Variants in MYO1D observed in about 807,000 individuals in gnomAD.
MYO1D encodes myosin ID, also known as unconventional myosin-Id.
In MYO1D, 83 loss-of-function variants were observed where a neutral mutation model predicts 122.0. That is an observed-to-expected ratio of 0.68 (90% CI 0.57 to 0.82). The LOEUF (loss-of-function observed/expected upper bound fraction) is 0.82. Among genes scored for constraint, MYO1D ranks in the 40% least tolerant of loss-of-function variants. MYO1D has a pLI of 0.00. For missense variants in MYO1D, 1,157 were observed against 1,269.5 expected, an observed-to-expected ratio of 0.91 and a Z score of 1.35; for synonymous variants, 464 against 446.9, an observed-to-expected ratio of 1.04 and a Z score of -0.48.
rs368525238 is a variant in MYO1D at position 32,690,057 on chromosome 17, C to G, written c.2121+21931G>C. 4.6e-5 allele frequency among the ~76,000 whole-genome samples: 7 copies of G among 152,120 alleles called. No individual in the cohort carries two copies. The East Asian group carries it at 1.4e-3, about 29-fold the overall frequency. On this transcript the variant is annotated intron_variant, in intron 16 of 21. Coordinates refer to ENST00000318217, the MANE Select transcript of MYO1D (RefSeq NM_015194.3). ...TTTCTATTGTATAGATACATCATAACTTATATAACTGTTTTCCTGATATAT... is the reference window on the plus strand; with the variant it reads ...TTTCTATTGTATAGATACATCATAAGTTATATAACTGTTTTCCTGATATAT...
At chr17:32,596,194 G>A (rs2087490512) in intron 21 of MYO1D, among the ~76,000 whole-genome samples, 1 of 152,128 alleles carries the variant, frequency 6.6e-6, no homozygotes, top group Non-Finnish European at 1.5e-5. Context: ...GCTGGCAATC[G>A]ACATGGCATA....
chr17:32,658,956 C>G (rs1339855987), intron 17 of MYO1D, 159 bp downstream of exon 17: 1 of 714,760 alleles, frequency 1.4e-6, no homozygotes, highest in African/African-American at 1.8e-5. Context: ...TAAGCAGATG[C>G]TCTTTGAAAG....
In MYO1D at chr17:32,653,900, A is replaced by G. The variant is rs144694933; in HGVS notation, c.2538T>C (p.Asn846=). 8.7e-5 allele frequency: 140 copies of G among 1,614,078 alleles called. No individual in the cohort carries two copies. The African/African-American group carries it at 1.7e-3, about 20-fold the overall frequency. ...QTSGTFVPVA[N]ELKRKDKYMN... is the part of the protein sequence containing the mutation. ...TGTATTTGTCCTTCCGTTTCAATTC[A>G]TTAGCAACAGGGACAAAAGTGCCTG... The change falls in exon 19 of 22, where the codon AAT becomes AAC. Residue 846 remains asparagine, a synonymous_variant. Coordinates refer to ENST00000318217, the MANE Select transcript of MYO1D (RefSeq NM_015194.3).
At chr17:32,543,662 C>T (rs1327131652) in intron 21 of MYO1D, among the ~76,000 whole-genome samples, 1 of 152,174 alleles carries the variant, frequency 6.6e-6, no homozygotes, top group Non-Finnish European at 1.5e-5. Context: ...TGTACTACTC[C>T]AGGGTGCCCT....
intron 14 of MYO1D, 61 bp from the exon 15 acceptor site, chr17:32,721,250 C>A: frequency 6.7e-7 from 1 of 1,486,956 alleles, no homozygotes; most frequent in Non-Finnish European, 9.3e-7. Flanking sequence ...GCTAGGGACA[C>A]TAACATGTAA....
intron 14 of MYO1D, among the ~76,000 whole-genome samples, chr17:32,728,837 T>G (rs961303623): frequency 3.3e-5 from 5 of 152,310 alleles, no homozygotes; most frequent in African/African-American, 1.2e-4. Context: ...TTGAATGGAC[T>G]ATTACCAGTA....
chr17:32,640,310 GC>G (rs2088177528), intron 19 of MYO1D, among the ~76,000 whole-genome samples: 1 of 152,082 alleles, frequency 6.6e-6, no homozygotes, highest in Non-Finnish European at 1.5e-5. Flanking sequence ...TTCTATAGCA[GC>G]ATTTTTCTTT....
chr17:32,691,460 G>A (rs1312843853), intron 16 of MYO1D, among the ~76,000 whole-genome samples: 1 of 143,188 alleles, frequency 7.0e-6, no homozygotes, highest in Non-Finnish European at 1.5e-5. Flanking sequence ...AGGCTGGAGT[G>A]CAGTGGTACA....
chr17:32,578,869 G>A (rs2087302235), intron 21 of MYO1D, among the ~76,000 whole-genome samples: 1 of 152,046 alleles, frequency 6.6e-6, no homozygotes, highest in Admixed American at 6.6e-5. Context: ...CACTCTACAT[G>A]TTTCCTTGAT....
chr17:32,717,890 C>T (rs1186359859), intron 15 of MYO1D, among the ~76,000 whole-genome samples: 1 of 152,030 alleles, frequency 6.6e-6, no homozygotes, highest in Non-Finnish European at 1.5e-5. Context: ...CGTCTTTTTT[C>T]AGTTCATGCA....
chr17:32,815,334 A>G (rs2090604827), intron 1 of MYO1D, among the ~76,000 whole-genome samples: 1 of 152,240 alleles, frequency 6.6e-6, no homozygotes, highest in South Asian at 2.1e-4. Context: ...CTTGACTTAT[A>G]GAAGTTGCCC....
intron 20 of MYO1D, among the ~76,000 whole-genome samples, chr17:32,628,514 A>G (rs1406656184): frequency 1.3e-5 from 2 of 152,152 alleles, no homozygotes; most frequent in Admixed American, 6.5e-5. Flanking sequence ...GAAGAGGGGG[A>G]AAAAGTGCCA....
Position 32,720,133 on chromosome 17 carries a change from G to C in MYO1D, c.1913+890C>G, listed in dbSNP as rs570324626. On this transcript the variant is annotated intron_variant, in intron 15 of 21. Transcript: ENST00000318217. ...CATTTTTGGGGGGAAAACTATAGTC[G>C]AGATTATAGAAAATGTTCAATAAGT... is the stretch of plus-strand genomic sequence containing the variant. Among the ~76,000 whole-genome samples, 8 of 151,936 alleles carry C rather than the reference G, an allele frequency of 5.3e-5. No individual in the cohort carries two copies. In the South Asian group the frequency reaches 1.0e-3, roughly 20 times the overall value.
Position 32,767,738 on chromosome 17 carries a change from A to G in MYO1D, c.729T>C (p.Asp243=). 6.2e-7 allele frequency: 1 copy of G among 1,612,748 alleles called. No homozygotes were observed. Among genetic ancestry groups the G allele is most frequent in the Non-Finnish European group, 8.5e-7 (1 of 1,178,908 alleles). ...VGAQLKSSIN[D]AAEFRVVADA... is the part of the protein sequence containing the mutation. ...CAGCAACAACTCTGAATTCGGCAGC[A>G]TCATTGATAGAAGACTGGGGATGAA... Residue 243 remains aspartate, a synonymous_variant, in exon 7 of 22, where the codon GAT becomes GAC. Transcript: ENST00000318217.
intron 19 of MYO1D, among the ~76,000 whole-genome samples, chr17:32,651,595 T>G (rs1027346546): frequency 6.6e-6 from 1 of 152,148 alleles, no homozygotes; most frequent in African/African-American, 2.4e-5. Context: ...TTGTCTTTCC[T>G]TGCTTGATGT....
chr17:32,495,233 C>T (rs1031000856), intron 21 of MYO1D, among the ~76,000 whole-genome samples: 32 of 152,220 alleles, frequency 2.1e-4, no homozygotes, highest in African/African-American at 7.7e-4. Context: ...CTGGGTCCTT[C>T]GGTGTACCAG....
intron 16 of MYO1D, among the ~76,000 whole-genome samples, chr17:32,704,192 C>T (rs2089280161): frequency 6.6e-6 from 1 of 152,194 alleles, no homozygotes; most frequent in Admixed American, 6.5e-5. Context: ...AAGGAACACA[C>T]ACACAAACTC....
chr17:32,568,585 G>C (rs1006060431), intron 21 of MYO1D, among the ~76,000 whole-genome samples: 2 of 152,204 alleles, frequency 1.3e-5, no homozygotes, highest in African/African-American at 4.8e-5. Context: ...ACACTCTTGA[G>C]AGTTAAAGGA....
chr17:32,559,096 C>A (rs1422712822), intron 21 of MYO1D, among the ~76,000 whole-genome samples: 1 of 152,120 alleles, frequency 6.6e-6, no homozygotes, highest in East Asian at 1.9e-4. Flanking sequence ...TGTGTGTGTG[C>A]AATATGAACC....
Sources: allele counts gnomAD v4.1 joint callset (sites outside exome capture counted in the v4.1 genomes callset), GRCh38; gene constraint gnomAD v4.1.1; transcripts MANE v1.5; gene names NCBI Gene and HGNC (gene_info 2026-07-23, HGNC 2026-07-21).